Variants in SNTG1 observed in about 807,000 individuals in gnomAD.
SNTG1 encodes gamma-1-syntrophin.
Under a neutral mutation model 74.7 loss-of-function variants are expected in SNTG1, and 39 were observed. That is an observed-to-expected ratio of 0.52 (90% CI 0.40 to 0.68). The LOEUF (loss-of-function observed/expected upper bound fraction) is 0.68, where lower values mean the gene tolerates loss of function less well. Ranked by LOEUF, SNTG1 falls within the 30% of genes least tolerant of loss-of-function variation. SNTG1 has a pLI of 0.00. For missense variants in SNTG1, 685 were observed against 609.5 expected, an observed-to-expected ratio of 1.12 and a Z score of -1.30; for synonymous variants, 254 against 217.1, an observed-to-expected ratio of 1.17 and a Z score of -1.49.
rs78641716 is a variant in SNTG1 at position 50,345,846 on chromosome 8, C to G, written c.-27-48366C>G. ...TCTTTTTGGTTAATATTCTCAACCT[C>G]TCTTTCATTTTGACTGCATTTATCT... On this transcript the variant is annotated intron_variant, in intron 2 of 18. Transcript: ENST00000642720. Among the ~76,000 whole-genome samples, 1,409 of 152,304 alleles carry G rather than the reference C, an allele frequency of 9.3e-3. 27 individuals carry two copies. Among genetic ancestry groups the G allele is most frequent in the African/African-American group, 0.032 (1,338 of 41,574 alleles).
At chr8:50,739,796 G>C (rs900334847) in intron 17 of SNTG1, among the ~76,000 whole-genome samples, 1 of 152,056 alleles carries the variant, frequency 6.6e-6, no homozygotes, top group Admixed American at 6.6e-5. Context: ...CAGTGGAACA[G>C]AATGGGGAAC....
intron 17 of SNTG1, among the ~76,000 whole-genome samples, chr8:50,723,581 C>A (rs1441490989): frequency 6.6e-6 from 1 of 152,130 alleles, no homozygotes; most frequent in Non-Finnish European, 1.5e-5. Context: ...CACATAACTA[C>A]AGGGAAATGA....
chr8:50,270,417 A>G (rs2087718069), intron 2 of SNTG1, among the ~76,000 whole-genome samples: 1 of 152,206 alleles, frequency 6.6e-6, no homozygotes, highest in Non-Finnish European at 1.5e-5. Context: ...AACAAAATTT[A>G]ACCAATAACT....
intron 1 of SNTG1, among the ~76,000 whole-genome samples, chr8:50,121,085 T>C (rs1223925830): frequency 7.0e-6 from 1 of 142,534 alleles, no homozygotes; most frequent in Non-Finnish European, 1.6e-5. Flanking sequence ...TTAAAATGTC[T>C]TCATTAGTAT....
chr8:50,186,014 G>A (rs75882972), intron 2 of SNTG1, among the ~76,000 whole-genome samples: 28 of 151,968 alleles, frequency 1.8e-4, no homozygotes, highest in African/African-American at 5.8e-4. Flanking sequence ...TCCCACCCCC[G>A]ACAGGTCTGT....
intron 2 of SNTG1, among the ~76,000 whole-genome samples, chr8:50,194,443 G>A (rs2083690128): frequency 6.6e-6 from 1 of 152,012 alleles, no homozygotes. Context: ...AGATTTTCTA[G>A]TTTATGTGTG....
At chr8:50,500,787 C>T (rs1440658631) in intron 8 of SNTG1, among the ~76,000 whole-genome samples, 2 of 152,090 alleles carry the variant, frequency 1.3e-5, no homozygotes, top group African/African-American at 4.8e-5. Flanking sequence ...TGTCACTGGG[C>T]ACCCACTGTT....
chr8:50,686,361 G>A (rs1369668689), intron 15 of SNTG1, among the ~76,000 whole-genome samples: 1 of 152,122 alleles, frequency 6.6e-6, no homozygotes, highest in Non-Finnish European at 1.5e-5. Context: ...ATGTGTTTGA[G>A]ACCTATTTCC....
rs778696430 is a variant in SNTG1, at chr8:50,251,300, C to T, written c.-28+78665C>T. ...ACCACCAAACCAGAGAGGTAAACAA[C>T]GAGAGAAGGAAAAAGAAACAAAATA... is the stretch of plus-strand genomic sequence containing the variant. On this transcript the variant is annotated intron_variant, in intron 2 of 18. Coordinates refer to ENST00000642720, the MANE Select transcript of SNTG1 (RefSeq NM_018967.5). Among the ~76,000 whole-genome samples, 25 of 151,500 alleles carry T rather than the reference C, an allele frequency of 1.7e-4. 1 individual carries two copies. The highest frequency in any genetic ancestry group is 6.2e-4 in the South Asian group (3 of 4,806).
intron 1 of SNTG1, among the ~76,000 whole-genome samples, chr8:49,931,415 G>C (rs1204555594): frequency 6.6e-6 from 1 of 152,192 alleles, no homozygotes; most frequent in Non-Finnish European, 1.5e-5. Context: ...AGAGGGAAGA[G>C]AGAAGTGGGG....
chr8:50,724,249 C>G (rs907423899), intron 17 of SNTG1, among the ~76,000 whole-genome samples: 3 of 152,002 alleles, frequency 2.0e-5, no homozygotes, highest in Non-Finnish European at 4.4e-5. Flanking sequence ...TAATCACAAA[C>G]AAAGCAACAG....
At chr8:50,609,194 C>A (rs1018061919) in intron 13 of SNTG1, among the ~76,000 whole-genome samples, 2 of 152,050 alleles carry the variant, frequency 1.3e-5, no homozygotes, top group East Asian at 1.9e-4. Flanking sequence ...GTTTCTCACA[C>A]TGTCGGACTT....
chr8:50,261,481 T>A, intron 2 of SNTG1, among the ~76,000 whole-genome samples: 1 of 151,846 alleles, frequency 6.6e-6, no homozygotes, highest in East Asian at 1.9e-4. Context: ...AGAGAAAAAA[T>A]AAGTAAAGGT....
At chr8:50,264,619 A>C (rs899919787) in intron 2 of SNTG1, among the ~76,000 whole-genome samples, 1 of 151,506 alleles carries the variant, frequency 6.6e-6, no homozygotes, top group Admixed American at 6.6e-5. Context: ...AAGTAAACTA[A>C]ACCCAAAACA....
intron 1 of SNTG1, among the ~76,000 whole-genome samples, chr8:50,027,859 A>G (rs1412345617): frequency 1.3e-5 from 2 of 152,150 alleles, no homozygotes; most frequent in African/African-American, 4.8e-5. Context: ...AATTCATCCC[A>G]TCCCTTAAAT....
chr8:50,540,835 C>T (rs988908639), intron 11 of SNTG1, among the ~76,000 whole-genome samples: 10 of 151,852 alleles, frequency 6.6e-5, no homozygotes, highest in Non-Finnish European at 1.5e-4. Flanking sequence ...CTTGTATATT[C>T]TTCTATCCTA....
At chr8:50,711,466 A>G (rs1014540357) in intron 17 of SNTG1, among the ~76,000 whole-genome samples, 10 of 152,012 alleles carry the variant, frequency 6.6e-5, no homozygotes, top group Non-Finnish European at 1.3e-4. Context: ...AAAGGGGTGG[A>G]CTCTATTCTG....
chr8:50,665,396 T>G (rs541277992), intron 15 of SNTG1, among the ~76,000 whole-genome samples: 262 of 152,046 alleles, frequency 1.7e-3, no homozygotes, highest in African/African-American at 6.1e-3. Context: ...AGCCTCAGTT[T>G]GTAGTGTGTG....
At chr8:50,513,943 C>A (rs1429845760) in intron 9 of SNTG1, among the ~76,000 whole-genome samples, 1 of 152,180 alleles carries the variant, frequency 6.6e-6, no homozygotes, top group African/African-American at 2.4e-5. Context: ...TTTTGACATT[C>A]CCCAATGAGA....
Sources: allele counts gnomAD v4.1 joint callset (sites outside exome capture counted in the v4.1 genomes callset), GRCh38; gene constraint gnomAD v4.1.1; transcripts MANE v1.5; gene names NCBI Gene and HGNC (gene_info 2026-07-23, HGNC 2026-07-21).